GSE1: variants seen among roughly 807,000 people sequenced by gnomAD.
GSE1 encodes Gse1 coiled-coil protein.
Under a neutral mutation model 112.6 loss-of-function variants are expected in GSE1, and 32 were observed. The ratio of observed to expected loss-of-function variants is 0.28; its 90% CI spans 0.21 to 0.38. The LOEUF (loss-of-function observed/expected upper bound fraction) is 0.38. GSE1 is among the 10% of genes least tolerant of loss of function. The pLI is 1.00. For missense variants in GSE1, 2,348 were observed against 1,699.2 expected (o/e 1.38, Z -6.71); for synonymous variants, 1,115 against 735.6 (o/e 1.52, Z -8.35).
At chr16:85,229,490 A>G (rs2075545451) in intron 1 of GSE1, among the ~76,000 whole-genome samples, 1 of 152,246 alleles carries the variant, frequency 6.6e-6, no homozygotes, top group Non-Finnish European at 1.5e-5. Context: ...TCTCTTGGAC[A>G]CTGTCTATGT....
chr16:85,175,950 C>T (rs2074454997), intron 1 of GSE1, among the ~76,000 whole-genome samples: 1 of 152,174 alleles, frequency 6.6e-6, no homozygotes, highest in Non-Finnish European at 1.5e-5. Context: ...GCTCTTGAGT[C>T]TGTGCTCCAG....
intron 2 of GSE1, among the ~76,000 whole-genome samples, chr16:85,499,546 T>C (rs1006773121): frequency 7.9e-5 from 12 of 151,962 alleles, no homozygotes; most frequent in African/African-American, 2.7e-4. Context: ...GGCCTTGTGA[T>C]CCGCCCGCCT....
chr16:85,519,559 T>TCCACC (rs1567555809), intron 2 of GSE1, among the ~76,000 whole-genome samples: 1 of 9,250 alleles, frequency 1.1e-4, no homozygotes, highest in African/African-American at 3.4e-4. Context: ...CCACCATCAC[T>TCCACC]ATCATCATCA....
chr16:85,339,386 C>T (rs766003727), intron 1 of GSE1, among the ~76,000 whole-genome samples: 18 of 152,164 alleles, frequency 1.2e-4, no homozygotes, highest in South Asian at 6.2e-4. Context: ...GACAAATGGC[C>T]GCGGTGCTGA....
At chr16:85,193,114 A>G (rs939807316) in intron 1 of GSE1, among the ~76,000 whole-genome samples, 4 of 152,180 alleles carry the variant, frequency 2.6e-5, no homozygotes, top group Non-Finnish European at 4.4e-5. Flanking sequence ...TCGGACTTCA[A>G]AACGGGTTTC....
chr16:85,571,671 GAC>G (rs1598226861), intron 1 of GSE1, among the ~76,000 whole-genome samples: 1 of 152,200 alleles, frequency 6.6e-6, no homozygotes, highest in East Asian at 1.9e-4. Context: ...CTGACCTTTT[GAC>G]ATTAAACACA....
chr16:85,557,412 G>A (rs1410318645), intron 1 of GSE1, among the ~76,000 whole-genome samples: 1 of 152,156 alleles, frequency 6.6e-6, no homozygotes, highest in Non-Finnish European at 1.5e-5. Context: ...GTGTGTGGGT[G>A]GGGAGGGTGA....
chr16:85,629,143 C>G (rs559584391), intron 1 of GSE1, among the ~76,000 whole-genome samples: 2 of 152,342 alleles, frequency 1.3e-5, no homozygotes, highest in South Asian at 2.1e-4. Flanking sequence ...TGAGGCCTCC[C>G]CAGAAGCAGA....
At chr16:85,209,344 G>T (rs1030689899) in intron 1 of GSE1, among the ~76,000 whole-genome samples, 14 of 152,128 alleles carry the variant, frequency 9.2e-5, no homozygotes, top group African/African-American at 3.4e-4. Context: ...GTCCTTGTTC[G>T]TGACCTCGAT....
At chr16:85,392,925 C>G (rs756720977) in intron 2 of GSE1, among the ~76,000 whole-genome samples, 5 of 152,234 alleles carry the variant, frequency 3.3e-5, no homozygotes, top group Non-Finnish European at 7.3e-5. Flanking sequence ...TGCCTCTGAG[C>G]AAGGGGTCCC....
chr16:85,180,338 G>C (rs923358147), intron 1 of GSE1, among the ~76,000 whole-genome samples: 3 of 152,354 alleles, frequency 2.0e-5, no homozygotes, highest in Non-Finnish European at 1.5e-5. Flanking sequence ...AGGCAGCCCA[G>C]GGCCCAAAGG....
chr16:85,660,358 C>T lies in GSE1; in HGVS notation c.1641-788C>T, dbSNP rs1475343152. 4.6e-5 allele frequency among the ~76,000 whole-genome samples: 7 copies of T among 152,168 alleles called. No individual in the cohort carries two copies. In the South Asian group the frequency reaches 6.2e-4, roughly 13 times the overall value. Reference sequence around the variant, plus strand: ...ACACCTGCCGCAGGTGTTGGAGGGCCGGGCACAGTGGCTCACTCCTGTAAT... The same window carrying T: ...ACACCTGCCGCAGGTGTTGGAGGGCTGGGCACAGTGGCTCACTCCTGTAAT... On this transcript the variant is annotated intron_variant, in intron 8 of 15. Coordinates refer to ENST00000253458, the MANE Select transcript of GSE1 (RefSeq NM_014615.5).
chr16:85,644,018 G>A (rs1171928414), intron 2 of GSE1, among the ~76,000 whole-genome samples: 1 of 152,104 alleles, frequency 6.6e-6, no homozygotes, highest in African/African-American at 2.4e-5. Flanking sequence ...CGGGTGCACA[G>A]GAGGGCTTTC....
At chr16:85,360,249 G>A (rs577524625) in intron 2 of GSE1, among the ~76,000 whole-genome samples, 28 of 150,944 alleles carry the variant, frequency 1.9e-4, no homozygotes, top group African/African-American at 3.2e-4. Flanking sequence ...GGGTACGTTG[G>A]GGGCGGGGGC....
At chr16:85,348,891 A>G (rs1206609462) in intron 1 of GSE1, among the ~76,000 whole-genome samples, 2 of 151,250 alleles carry the variant, frequency 1.3e-5, no homozygotes, top group Non-Finnish European at 3.0e-5. Context: ...CCCCCGAGAG[A>G]TGGGGGAGAG....
intron 1 of GSE1, among the ~76,000 whole-genome samples, chr16:85,205,867 T>C (rs1009879182): frequency 6.6e-6 from 1 of 152,226 alleles, no homozygotes; most frequent in African/African-American, 2.4e-5. Flanking sequence ...CATCTGGTGC[T>C]TCATTCATTT....
intron 2 of GSE1, among the ~76,000 whole-genome samples, chr16:85,365,697 T>A (rs183625189): frequency 3.9e-5 from 6 of 152,258 alleles, no homozygotes; most frequent in Admixed American, 3.9e-4. Flanking sequence ...AAGGCGAAGG[T>A]TTATAGAAGG....
intron 1 of GSE1, among the ~76,000 whole-genome samples, chr16:85,310,905 G>C (rs1241998609): frequency 6.6e-6 from 1 of 152,152 alleles, no homozygotes; most frequent in Non-Finnish European, 1.5e-5. Context: ...CTCAGGGGCT[G>C]GGGATGGAGG....
At chr16:85,468,190 A>G (rs996328078) in intron 2 of GSE1, among the ~76,000 whole-genome samples, 1 of 60,674 alleles carries the variant, frequency 1.6e-5, no homozygotes, top group Non-Finnish European at 3.7e-5. Flanking sequence ...AGAAGGTGGG[A>G]AAGCCCTTAG....
Sources: allele counts gnomAD v4.1 joint callset (sites outside exome capture counted in the v4.1 genomes callset), GRCh38; gene constraint gnomAD v4.1.1; transcripts MANE v1.5; gene names NCBI Gene and HGNC (gene_info 2026-07-23, HGNC 2026-07-21).